The following ZFHX3 variants were observed in gnomAD, a reference collection of about 807,000 sequenced individuals.
ZFHX3 encodes the protein zinc finger homeobox 3, also known as zinc finger homeobox protein 3.
Under a neutral mutation model 279.1 loss-of-function variants are expected in ZFHX3, and 42 were observed. The observed-to-expected ratio is 0.15, with a 90% CI of 0.12 to 0.19. ZFHX3 has a LOEUF of 0.19. ZFHX3 is among the 10% of genes least tolerant of loss of function. ZFHX3 has a pLI of 1.00. For synonymous variants in ZFHX3, 2,293 were observed against 1,957.8 expected, an observed-to-expected ratio of 1.17 and a Z score of -4.52; for missense variants, 4,981 against 4,754.0, an observed-to-expected ratio of 1.05 and a Z score of -1.40.
At chr16:72,969,104 G>T (rs1294839230) in intron 1 of ZFHX3, among the ~76,000 whole-genome samples, 1 of 152,132 alleles carries the variant, frequency 6.6e-6, no homozygotes, top group Non-Finnish European at 1.5e-5. Context: ...AAAAGAAACT[G>T]TCCAGAGTAA....
chr16:73,200,365 T>C (rs78292217), intron 5 of ZFHX3, among the ~76,000 whole-genome samples: 2,681 of 152,294 alleles, frequency 0.018, 88 homozygotes, highest in African/African-American at 0.062. Context: ...TCATGAATTT[T>C]TATTTTATAT....
rs912538845 is a variant in ZFHX3 at position 73,024,458 on chromosome 16, C to A, written c.-50+23294G>T. Among the ~76,000 whole-genome samples the A allele has an allele frequency of 5.3e-5, 8 of 152,266 alleles. No individual in the cohort carries two copies. In the East Asian group the frequency reaches 1.5e-3, roughly 29 times the overall value. ...GAAGACTGAGTCTGAGATCATGCACCATTGACTACCCAAGCCCAATTCTTC... is the reference window on the plus strand; with the variant it reads ...GAAGACTGAGTCTGAGATCATGCACAATTGACTACCCAAGCCCAATTCTTC... On this transcript the variant is annotated intron_variant, in intron 1 of 9. Transcript: ENST00000268489.
chr16:73,569,019 C>G (rs564642779), intron 2 of ZFHX3, among the ~76,000 whole-genome samples: 1 of 152,170 alleles, frequency 6.6e-6, no homozygotes, highest in African/African-American at 2.4e-5. Context: ...GGGTCACAGG[C>G]TGTTTCAATT....
chr16:73,673,849 T>C (rs1294824015), intron 2 of ZFHX3, among the ~76,000 whole-genome samples: 1 of 152,082 alleles, frequency 6.6e-6, no homozygotes, highest in East Asian at 1.9e-4. Context: ...TAGGAATTGA[T>C]CTAGAACGTA....
intron 5 of ZFHX3, among the ~76,000 whole-genome samples, chr16:73,220,234 C>A (rs150577944): frequency 6.6e-6 from 1 of 152,188 alleles, no homozygotes; most frequent in African/African-American, 2.4e-5. Flanking sequence ...GAAAAACTAA[C>A]TTTTGGGTAC....
At chr16:73,123,806 T>C (rs56010482) in intron 7 of ZFHX3, among the ~76,000 whole-genome samples, 30,162 of 152,052 alleles carry the variant, frequency 0.2, 3,964 homozygotes, top group Middle Eastern at 0.34. Context: ...ATGGGACTCA[T>C]GCCCTTATAG....
At chr16:73,412,773 C>A (rs2017496777) in intron 3 of ZFHX3, among the ~76,000 whole-genome samples, 1 of 152,226 alleles carries the variant, frequency 6.6e-6, no homozygotes, top group African/African-American at 2.4e-5. Context: ...GAACAACAGA[C>A]TTAAAATGAA....
At chr16:73,104,221 G>GTATTTATTTATT (rs1555498881) in intron 7 of ZFHX3, among the ~76,000 whole-genome samples, 1 of 151,506 alleles carries the variant, frequency 6.6e-6, no homozygotes, top group Non-Finnish European at 1.5e-5. Context: ...TTTATTTTAT[G>GTATTTATTTATT]TATTTATTTA....
At chr16:73,285,224 G>T (rs1207665871) in intron 4 of ZFHX3, among the ~76,000 whole-genome samples, 2 of 152,158 alleles carry the variant, frequency 1.3e-5, no homozygotes, top group Non-Finnish European at 2.9e-5. Context: ...GACAACCCTG[G>T]ATTAGGATTA....
chr16:73,395,935 A>G (rs904363409), intron 3 of ZFHX3, among the ~76,000 whole-genome samples: 2 of 152,234 alleles, frequency 1.3e-5, no homozygotes, highest in Admixed American at 1.3e-4. Context: ...TTATATGTAC[A>G]TCTTAGAGTT....
At chr16:73,207,256 C>A (rs2011844411) in intron 5 of ZFHX3, among the ~76,000 whole-genome samples, 5 of 152,084 alleles carry the variant, frequency 3.3e-5, no homozygotes. Flanking sequence ...GGTTCTAGAG[C>A]TTCTTGACCA....
chr16:73,357,250 C>T (rs1332501819), intron 3 of ZFHX3, among the ~76,000 whole-genome samples: 3 of 151,866 alleles, frequency 2.0e-5, no homozygotes, highest in Admixed American at 2.0e-4. Flanking sequence ...ATATTTGTTA[C>T]TCGACTGAAA....
intron 1 of ZFHX3, among the ~76,000 whole-genome samples, chr16:73,879,130 C>T (rs916109862): frequency 2.6e-5 from 4 of 151,586 alleles, no homozygotes; most frequent in African/African-American, 4.8e-5. Context: ...TCACCAGCAG[C>T]GAGCGACCTT....
At chr16:73,808,903 T>A (rs1960354527) in intron 1 of ZFHX3, among the ~76,000 whole-genome samples, 1 of 152,166 alleles carries the variant, frequency 6.6e-6, no homozygotes, top group Non-Finnish European at 1.5e-5. Context: ...CCTGAGGACA[T>A]CCAGAAGTTT....
At chr16:73,542,726 T>G (rs1211047894) in intron 2 of ZFHX3, among the ~76,000 whole-genome samples, 1 of 152,188 alleles carries the variant, frequency 6.6e-6, no homozygotes, top group African/African-American at 2.4e-5. Flanking sequence ...CAATGCACAA[T>G]TTTTTTAGGT....
At chr16:73,885,012 A>G (rs2030300133) in intron 1 of ZFHX3, among the ~76,000 whole-genome samples, 1 of 152,154 alleles carries the variant, frequency 6.6e-6, no homozygotes, top group Non-Finnish European at 1.5e-5. Context: ...TTCGCTTTAA[A>G]TTTTAATAAT....
chr16:73,195,078 T>C (rs984019819), intron 5 of ZFHX3, among the ~76,000 whole-genome samples: 5 of 152,226 alleles, frequency 3.3e-5, no homozygotes, highest in Non-Finnish European at 7.3e-5. Context: ...GAAGCATATT[T>C]CAAGTCTCTC....
At chr16:73,165,903 T>C (rs1330842068) in intron 5 of ZFHX3, among the ~76,000 whole-genome samples, 1 of 152,176 alleles carries the variant, frequency 6.6e-6, no homozygotes, top group African/African-American at 2.4e-5. Flanking sequence ...TGGGGGATAA[T>C]ATAGAAGAGC....
At chr16:73,836,453 A>G (rs959307195) in intron 1 of ZFHX3, among the ~76,000 whole-genome samples, 4 of 152,196 alleles carry the variant, frequency 2.6e-5, no homozygotes, top group African/African-American at 9.7e-5. Flanking sequence ...TAAAAATGGG[A>G]TAGATTCAGG....
Sources: gnomAD v4.1 joint callset for allele counts (sites outside exome capture counted in the v4.1 genomes callset) on GRCh38, gnomAD v4.1.1 for gene constraint, MANE v1.5 for transcripts, NCBI Gene and HGNC (gene_info 2026-07-23, HGNC 2026-07-21) for gene names.